Variants in TMPRSS15 observed in about 807,000 individuals in gnomAD.
TMPRSS15 encodes the protein transmembrane serine protease 15.
In TMPRSS15, 128 loss-of-function variants were observed where a neutral mutation model predicts 125.3. That is an observed-to-expected ratio of 1.02 (90% CI 0.89 to 1.18). The LOEUF is 1.18. Ranked by LOEUF, TMPRSS15 falls within the 50% of genes most tolerant of loss-of-function variation. The probability of loss-of-function intolerance (pLI) is 0.00; values close to 1 mark genes in which losing one functional copy is unlikely to be tolerated. For missense variants in TMPRSS15, 1,283 were observed against 1,212.7 expected (o/e 1.06, Z -0.86); for synonymous variants, 446 against 423.2 (o/e 1.05, Z -0.66).
intron 6 of TMPRSS15, among the ~76,000 whole-genome samples, chr21:18,365,599 CTTCT>C (rs1410030383): frequency 2.3e-4 from 24 of 104,306 alleles, no homozygotes; most frequent in African/African-American, 5.9e-4. Flanking sequence ...TCCTTCCTTC[CTTCT>C]TTCCTTCCTT....
chr21:18,334,333 A>G (rs1258251465), intron 13 of TMPRSS15, among the ~76,000 whole-genome samples: 3 of 152,206 alleles, frequency 2.0e-5, no homozygotes, highest in Non-Finnish European at 4.4e-5. Flanking sequence ...TTTCAGGGCC[A>G]GGTTTGTCTA....
intron 18 of TMPRSS15, among the ~76,000 whole-genome samples, chr21:18,306,869 A>G (rs1173299551): frequency 6.6e-6 from 1 of 152,128 alleles, no homozygotes; most frequent in African/African-American, 2.4e-5. Flanking sequence ...TATTCAAGGT[A>G]CTTTTTATTT....
chr21:18,380,170 C>CACAA (rs781682782), intron 4 of TMPRSS15, among the ~76,000 whole-genome samples: 133 of 123,674 alleles, frequency 1.1e-3, no homozygotes, highest in Non-Finnish European at 1.5e-3. Flanking sequence ...GGAGATGTCA[C>CACAA]ACACACACAC....
At chr21:18,415,372 C>T (rs898190114) in intron 1 of TMPRSS15, among the ~76,000 whole-genome samples, 1 of 152,090 alleles carries the variant, frequency 6.6e-6, no homozygotes, top group Admixed American at 6.5e-5. Context: ...TCCCACTTCT[C>T]TAGTTTTGCT....
chr21:18,392,648 C>A (rs906548574), intron 3 of TMPRSS15, among the ~76,000 whole-genome samples: 1 of 152,170 alleles, frequency 6.6e-6, no homozygotes, highest in Admixed American at 6.6e-5. Flanking sequence ...GGCAGTACCC[C>A]ATTCCTGGTG....
intron 18 of TMPRSS15, among the ~76,000 whole-genome samples, chr21:18,306,349 T>A (rs532422235): frequency 1.3e-4 from 20 of 152,272 alleles, no homozygotes; most frequent in African/African-American, 3.9e-4. Context: ...TTCATTGCGG[T>A]GGTTACATCA....
chr21:18,335,183 C>T (rs1467547634), intron 13 of TMPRSS15, among the ~76,000 whole-genome samples: 1 of 152,142 alleles, frequency 6.6e-6, no homozygotes, highest in Non-Finnish European at 1.5e-5. Flanking sequence ...GAGGGAATGT[C>T]TAACTAACTT....
chr21:18,283,186 C>A (rs970592965), intron 21 of TMPRSS15, among the ~76,000 whole-genome samples: 1 of 152,236 alleles, frequency 6.6e-6, no homozygotes, highest in Non-Finnish European at 1.5e-5. Flanking sequence ...CTACTTTAGC[C>A]TATGTAGGGA....
chr21:18,381,964 C>A (rs2075896936), intron 4 of TMPRSS15, among the ~76,000 whole-genome samples: 1 of 151,714 alleles, frequency 6.6e-6, no homozygotes, highest in Admixed American at 6.6e-5. Context: ...TGTATATGTA[C>A]CCTGAAAAGT....
At chr21:18,473,325 G>T (rs1427664063) in intron 1 of TMPRSS15, among the ~76,000 whole-genome samples, 1 of 152,036 alleles carries the variant, frequency 6.6e-6, no homozygotes, top group Non-Finnish European at 1.5e-5. Flanking sequence ...TTGGTTATTA[G>T]AACCCTGAAA....
intron 13 of TMPRSS15, among the ~76,000 whole-genome samples, chr21:18,340,539 T>A (rs547813694): frequency 2.6e-4 from 40 of 152,324 alleles, no homozygotes; most frequent in African/African-American, 9.6e-4. Flanking sequence ...CTGTTTCATA[T>A]ACACATCTAT....
At chr21:18,283,839 A>G (rs2146877771) in intron 21 of TMPRSS15, among the ~76,000 whole-genome samples, 1 of 152,334 alleles carries the variant, frequency 6.6e-6, no homozygotes, top group East Asian at 1.9e-4. Flanking sequence ...ACTATACTTT[A>G]TCTGAGAACT....
In TMPRSS15 at chr21:18,403,662, G is replaced by A. The variant is rs2076118323; in HGVS notation, c.-40C>T. ...GCTTGCTAATTTAAGAACTGAAAGA[G>A]AATATAAATAATTCTACCAACTGAA... On this transcript the variant is annotated 5_prime_UTR_variant, in exon 1 of 25. Coordinates refer to ENST00000284885, the MANE Select transcript of TMPRSS15 (RefSeq NM_002772.3). The A allele has an allele frequency of 6.2e-7, 1 of 1,612,818 alleles. No individual in the cohort carries two copies. Among genetic ancestry groups the A allele is most frequent in the Admixed American group, 1.7e-5 (1 of 59,972 alleles).
intron 1 of TMPRSS15, among the ~76,000 whole-genome samples, chr21:18,469,886 C>A (rs1978741257): frequency 6.6e-6 from 1 of 151,944 alleles, no homozygotes; most frequent in Non-Finnish European, 1.5e-5. Context: ...ATAGCTCTAT[C>A]TTTTTCCATG....
chr21:18,283,426 C>A (rs1217422030), intron 21 of TMPRSS15, among the ~76,000 whole-genome samples: 2 of 151,980 alleles, frequency 1.3e-5, no homozygotes, highest in East Asian at 1.9e-4. Context: ...ATTAATCTTA[C>A]AATTACTATA....
chr21:18,307,455 C>T (rs1337449653), intron 18 of TMPRSS15, among the ~76,000 whole-genome samples: 1 of 152,152 alleles, frequency 6.6e-6, no homozygotes, highest in Non-Finnish European at 1.5e-5. Flanking sequence ...GTGTCATCCA[C>T]TCAGCTCAGG....
At chr21:18,307,165 A>G (rs2146925385) in intron 18 of TMPRSS15, among the ~76,000 whole-genome samples, 1 of 152,348 alleles carries the variant, frequency 6.6e-6, no homozygotes, top group Non-Finnish European at 1.5e-5. Context: ...TTCAATTACT[A>G]GAGCACTATG....
intron 24 of TMPRSS15, among the ~76,000 whole-genome samples, chr21:18,272,806 A>G (rs2074575310): frequency 6.6e-6 from 1 of 152,190 alleles, no homozygotes; most frequent in Non-Finnish European, 1.5e-5. Flanking sequence ...CAGAACATAA[A>G]GTATTAACCT....
chr21:18,331,053 A>G (rs1412338055), intron 14 of TMPRSS15, among the ~76,000 whole-genome samples: 4 of 146,238 alleles, frequency 2.7e-5, no homozygotes, highest in Non-Finnish European at 6.0e-5. Context: ...AGCCTGGGCG[A>G]CAGAGCGAGA....
Sources: gnomAD v4.1 joint callset for allele counts (sites outside exome capture counted in the v4.1 genomes callset) on GRCh38, gnomAD v4.1.1 for gene constraint, MANE v1.5 for transcripts, NCBI Gene and HGNC (gene_info 2026-07-23, HGNC 2026-07-21) for gene names.